The following CEP63 variants were observed in gnomAD, a reference collection of about 807,000 sequenced individuals.
CEP63 encodes the protein centrosomal protein 63, also known as centrosomal protein of 63 kDa.
In CEP63, 84 loss-of-function variants were observed where a neutral mutation model predicts 89.1. The ratio of observed to expected loss-of-function variants is 0.94; its 90% CI spans 0.79 to 1.13. CEP63 has a LOEUF of 1.13. Among genes scored for constraint, CEP63 ranks in the 50% most tolerant of loss-of-function variants. The probability of loss-of-function intolerance (pLI) is 0.00; values close to 1 mark genes in which losing one functional copy is unlikely to be tolerated. For synonymous variants in CEP63, 267 were observed against 272.5 expected (o/e 0.98, Z 0.20); for missense variants, 838 against 813.3 (o/e 1.03, Z -0.37).
the CEP63 span, among the ~76,000 whole-genome samples, chr3:134,717,570 G>A: frequency 6.6e-6 from 1 of 152,152 alleles, no homozygotes; most frequent in African/African-American, 2.4e-5. Context: ...TCTTTAACGA[G>A]GGCAAAGACA....
chr3:134,719,022 C>T, the CEP63 span, among the ~76,000 whole-genome samples: 1 of 152,318 alleles, frequency 6.6e-6, no homozygotes, highest in Non-Finnish European at 1.5e-5. Flanking sequence ...AATTCTGTGG[C>T]CACATGAATT....
At chr3:134,518,940 G>A (rs967452889) in intron 3 of CEP63, among the ~76,000 whole-genome samples, 4 of 152,048 alleles carry the variant, frequency 2.6e-5, no homozygotes, top group African/African-American at 9.7e-5. Context: ...AATAACTAAT[G>A]TTAGCAATTA....
the CEP63 span, among the ~76,000 whole-genome samples, chr3:134,647,875 G>A: frequency 6.6e-6 from 1 of 152,188 alleles, no homozygotes; most frequent in Non-Finnish European, 1.5e-5. Context: ...CACTTTTAGA[G>A]TCTTGATATA....
intron 3 of CEP63, among the ~76,000 whole-genome samples, chr3:134,518,794 AG>A (rs1299253353): frequency 1.3e-5 from 2 of 152,082 alleles, no homozygotes; most frequent in Non-Finnish European, 2.9e-5. Context: ...GAGAAAGAAA[AG>A]ATGTAATAAA....
chr3:134,493,941 T>G (rs1380084160), intron 1 of CEP63, among the ~76,000 whole-genome samples: 1 of 152,178 alleles, frequency 6.6e-6, no homozygotes. Context: ...AAAAGCATTT[T>G]GGAATGAAAA....
At chr3:134,608,655 T>C in the CEP63 span, 3 of 1,614,032 alleles carry the variant, frequency 1.9e-6, no homozygotes, top group South Asian at 3.3e-5. Flanking sequence ...TCACCTGTTC[T>C]GATCATGGAA....
chr3:134,501,196 G>A (rs1941894009), intron 2 of CEP63, among the ~76,000 whole-genome samples: 1 of 152,104 alleles, frequency 6.6e-6, no homozygotes, highest in Non-Finnish European at 1.5e-5. Flanking sequence ...ATTGGTCTAT[G>A]TGTCCATTTT....
the CEP63 span, among the ~76,000 whole-genome samples, chr3:134,649,625 G>A: frequency 6.6e-6 from 1 of 152,204 alleles, no homozygotes; most frequent in African/African-American, 2.4e-5. Flanking sequence ...AACAACTCCT[G>A]CTTCAGTCAG....
At chr3:134,560,187 T>C (rs1367648895) in intron 14 of CEP63, among the ~76,000 whole-genome samples, 1 of 152,248 alleles carries the variant, frequency 6.6e-6, no homozygotes, top group African/African-American at 2.4e-5. Flanking sequence ...TGTGTTAGTA[T>C]GTATAGACTT....
At chr3:134,550,665 C>T (rs1954620920) in intron 11 of CEP63, among the ~76,000 whole-genome samples, 1 of 152,108 alleles carries the variant, frequency 6.6e-6, no homozygotes, top group African/African-American at 2.4e-5. Flanking sequence ...AACTAGAGTA[C>T]AAGTGGGATG....
At chr3:134,721,474 G>A in the CEP63 span, among the ~76,000 whole-genome samples, 1 of 151,738 alleles carries the variant, frequency 6.6e-6, no homozygotes, top group African/African-American at 2.4e-5. Context: ...CTCTTACCTA[G>A]TGGCCCTTAC....
intron 10 of CEP63, among the ~76,000 whole-genome samples, chr3:134,583,884 G>A (rs1021387362): frequency 6.6e-6 from 1 of 152,124 alleles, no homozygotes; most frequent in Non-Finnish European, 1.5e-5. Flanking sequence ...TCTCCTTGAA[G>A]AGGTCCTTCA....
the CEP63 span, among the ~76,000 whole-genome samples, chr3:134,658,692 G>A: frequency 3.3e-5 from 5 of 152,180 alleles, no homozygotes; most frequent in Non-Finnish European, 7.3e-5. Flanking sequence ...AGACCTACAG[G>A]GAACGAAGAA....
chr3:134,493,992 G>T (rs1938703570), intron 1 of CEP63, among the ~76,000 whole-genome samples: 1 of 152,116 alleles, frequency 6.6e-6, no homozygotes, highest in Non-Finnish European at 1.5e-5. Flanking sequence ...ATTATAAAAG[G>T]CGAGAAGCAT....
At chr3:134,742,704 T>G in the CEP63 span, among the ~76,000 whole-genome samples, 1 of 152,202 alleles carries the variant, frequency 6.6e-6, no homozygotes, top group Non-Finnish European at 1.5e-5. Flanking sequence ...AAGAAGTGAC[T>G]AGGATATGAA....
the CEP63 span, among the ~76,000 whole-genome samples, chr3:134,751,044 T>C: frequency 6.6e-6 from 1 of 152,248 alleles, no homozygotes; most frequent in Non-Finnish European, 1.5e-5. Flanking sequence ...ACTGTCTGAA[T>C]AGATTTGCCT....
At chr3:134,637,262 C>T in the CEP63 span, among the ~76,000 whole-genome samples, 1 of 152,210 alleles carries the variant, frequency 6.6e-6, no homozygotes, top group Non-Finnish European at 1.5e-5. Context: ...TGGGTGCTAT[C>T]GCCATCAGCA....
rs143558862 is a variant in CEP63, at chr3:134,491,766, G to A, written c.-25-3530G>A. 7.5e-3 allele frequency among the ~76,000 whole-genome samples: 1,137 copies of A among 152,282 alleles called. 23 individuals carry two copies. The highest frequency in any genetic ancestry group is 0.074 in the South Asian group (356 of 4,820). ...ATATCTGACACAATCATAGAGCTTTGTAATGAAAACGACACCAAGGCAGGT... is the reference window on the plus strand; with the variant it reads ...ATATCTGACACAATCATAGAGCTTTATAATGAAAACGACACCAAGGCAGGT... On this transcript the variant is annotated intron_variant, in intron 1 of 14. Coordinates refer to ENST00000675561, the MANE Select transcript of CEP63 (RefSeq NM_001353108.3).
chr3:134,545,466 A>G (rs1292272614), intron 6 of CEP63, 120 bp from the exon 7 acceptor site: 3 of 759,280 alleles, frequency 4.0e-6, no homozygotes, highest in South Asian at 1.5e-5. Context: ...ATATATATAT[A>G]TATATTTTAG....
Sources: gnomAD v4.1 joint callset for allele counts (sites outside exome capture counted in the v4.1 genomes callset) on GRCh38, gnomAD v4.1.1 for gene constraint, MANE v1.5 for transcripts, NCBI Gene and HGNC (gene_info 2026-07-23, HGNC 2026-07-21) for gene names.